KHDC1: variants seen among roughly 807,000 people sequenced by gnomAD.
The protein encoded by KHDC1 is KH homology domain-containing protein 1.
KHDC1 carries 21 observed loss-of-function variants against 24.7 expected under a neutral mutation model. The observed-to-expected ratio is 0.85, with a 90% CI of 0.60 to 1.23. The LOEUF (loss-of-function observed/expected upper bound fraction) is 1.23. Among genes scored for constraint, KHDC1 ranks in the 50% most tolerant of loss-of-function variants. The pLI is 0.00. For missense variants in KHDC1, 274 were observed against 298.5 expected (o/e 0.92, Z 0.61); for synonymous variants, 98 against 111.7 (o/e 0.88, Z 0.77).
intron 1 of KHDC1, among the ~76,000 whole-genome samples, chr6:73,302,532 A>G (rs1474310203): frequency 6.6e-6 from 1 of 152,200 alleles, no homozygotes; most frequent in Non-Finnish European, 1.5e-5. Context: ...TGAATCCTGT[A>G]GGCAACTGTA....
intron 2 of KHDC1, 52 bp from the exon 1 acceptor site, chr6:73,263,248 G>C (rs1767019500): frequency 2.0e-6 from 2 of 986,480 alleles, no homozygotes; most frequent in Non-Finnish European, 2.4e-6. Context: ...GCAACCCAGA[G>C]CCCTCCTCCC....
At chr6:73,277,577 G>A (rs1434298172) in intron 2 of KHDC1, among the ~76,000 whole-genome samples, 7 of 152,118 alleles carry the variant, frequency 4.6e-5, no homozygotes, top group Admixed American at 6.6e-5. Context: ...TGGGCCAAGC[G>A]CAATTGCTTA....
intron 2 of KHDC1, chr6:73,263,062 GCGGCGGCAGCGGCGGCAGCGGCTGCAGGC>G: frequency 1.0e-5 from 1 of 96,448 alleles, no homozygotes; most frequent in East Asian, 8.4e-4. Flanking sequence ...GGCGGCGGCG[GCGGCGGCAGCGGCGGCAGCGGCTGCAGGC>G]CTGGCCGATT....
intron 1 of KHDC1, among the ~76,000 whole-genome samples, chr6:73,301,960 T>C (rs1439829313): frequency 6.6e-6 from 1 of 152,016 alleles, no homozygotes; most frequent in Non-Finnish European, 1.5e-5. Context: ...TTTTAAGAAC[T>C]CTATATAGAT....
chr6:73,271,440 C>G (rs558210402), intron 2 of KHDC1, among the ~76,000 whole-genome samples: 5 of 150,832 alleles, frequency 3.3e-5, no homozygotes, highest in African/African-American at 1.2e-4. Flanking sequence ...AACTCCTGAC[C>G]TCGTGATCCA....
intron 2 of KHDC1, among the ~76,000 whole-genome samples, chr6:73,261,911 C>G (rs888634777): frequency 1.1e-5 from 1 of 87,666 alleles, no homozygotes; most frequent in South Asian, 3.7e-4. Context: ...GACTCCATCT[C>G]AAAAAAAAAA....
In KHDC1 at chr6:73,260,251, T is replaced by A. The variant is rs182390397; in HGVS notation, c.207-17721A>T. ...TTTACAGAACAAATTGAAATCATTC[T>A]ATCAAGATGTAAAAAAAATTAAGGG... On this transcript the variant is annotated intron_variant, in intron 2 of 4. Transcript: ENST00000370384. Among the ~76,000 whole-genome samples, 307 of 152,314 alleles carry A rather than the reference T, an allele frequency of 2.0e-3. 2 individuals carry two copies. The highest frequency in any genetic ancestry group is 6.9e-3 in the African/African-American group (285 of 41,578).
chr6:73,267,218 G>A (rs908771161), intron 2 of KHDC1, among the ~76,000 whole-genome samples: 5 of 152,136 alleles, frequency 3.3e-5, no homozygotes, highest in South Asian at 2.1e-4. Context: ...AGTGGCTTAC[G>A]CCTGTAATCC....
exon 5 of KHDC1, chr6:73,241,389 G>GAC (rs1766561191): frequency 1.4e-6 from 1 of 727,744 alleles, no homozygotes; most frequent in Admixed American, 2.3e-5. Context: ...ACTTCCCTCA[G>GAC]ACATGTCTAG....
intron 2 of KHDC1, among the ~76,000 whole-genome samples, chr6:73,265,978 G>A (rs979251939): frequency 3.3e-5 from 5 of 152,072 alleles, no homozygotes; most frequent in African/African-American, 9.7e-5. Context: ...CTAAAGTGCA[G>A]TGCAATGGCA....
At chr6:73,249,602 G>A (rs914082162) in intron 2 of KHDC1, among the ~76,000 whole-genome samples, 5 of 152,174 alleles carry the variant, frequency 3.3e-5, no homozygotes, top group African/African-American at 1.2e-4. Context: ...TTCATGGGAA[G>A]CGCACACACA....
chr6:73,265,211 C>T (rs1767058090), intron 2 of KHDC1, among the ~76,000 whole-genome samples: 2 of 152,116 alleles, frequency 1.3e-5, no homozygotes, highest in East Asian at 1.9e-4. Context: ...GATAAATTCT[C>T]CCCAGAAACC....
At chr6:73,257,148 C>T (rs963245862) in intron 2 of KHDC1, among the ~76,000 whole-genome samples, 11 of 152,146 alleles carry the variant, frequency 7.2e-5, no homozygotes, top group Non-Finnish European at 1.6e-4. Context: ...CAAAAATTAG[C>T]TGGGCATGGT....
In KHDC1 at chr6:73,247,855, CA is replaced by C. The variant is rs60650206; in HGVS notation, c.207-5326del. ...TGGGAAATAGAGCAAGACTCTGTCT[CA>C]AAAAAAAAAAAAAAAAAAGAGAGAG... On this transcript the variant is annotated intron_variant, in intron 2 of 4. Coordinates refer to ENST00000370384, the Ensembl canonical transcript of KHDC1. 1.0e-2 allele frequency among the ~76,000 whole-genome samples: 892 copies of C among 89,536 alleles called. 5 individuals are homozygous for C. The highest frequency in any genetic ancestry group is 0.022 in the African/African-American group (560 of 24,970). The allele number at this position is 89,536 out of a possible 152,430, so 58.7% of individuals were successfully genotyped here.
At chr6:73,266,380 T>C (rs929471877) in intron 2 of KHDC1, among the ~76,000 whole-genome samples, 1 of 152,254 alleles carries the variant, frequency 6.6e-6, no homozygotes, top group Non-Finnish European at 1.5e-5. Flanking sequence ...CTTTGCCTTA[T>C]CATATAATAG....
At chr6:73,278,342 T>C (rs1767341182) in intron 2 of KHDC1, among the ~76,000 whole-genome samples, 1 of 152,060 alleles carries the variant, frequency 6.6e-6, no homozygotes, top group African/African-American at 2.4e-5. Context: ...GTCCTTTGCC[T>C]ATATTTCTAT....
chr6:73,291,857 CCTCA>C (rs982700382), intron 2 of KHDC1: 85 of 880,172 alleles, frequency 9.7e-5, no homozygotes, highest in African/African-American at 3.4e-4. Flanking sequence ...GAAGCCCAAA[CCTCA>C]CTATTACACA....
intron 2 of KHDC1, among the ~76,000 whole-genome samples, chr6:73,258,640 G>C (rs1370757831): frequency 6.6e-6 from 1 of 152,156 alleles, no homozygotes; most frequent in Non-Finnish European, 1.5e-5. Flanking sequence ...ATTTCTTACT[G>C]AGAATCCAAG....
At chr6:73,286,727 G>A (rs766414654) in intron 2 of KHDC1, among the ~76,000 whole-genome samples, 8 of 151,968 alleles carry the variant, frequency 5.3e-5, no homozygotes, top group Non-Finnish European at 1.0e-4. Context: ...ACTAAAAATC[G>A]TGAAAATTAG....
Sources: gnomAD v4.1 joint callset for allele counts (sites outside exome capture counted in the v4.1 genomes callset) on GRCh38, gnomAD v4.1.1 for gene constraint, MANE v1.5 for transcripts, NCBI Gene and HGNC (gene_info 2026-07-23, HGNC 2026-07-21) for gene names.